The following SLIT2 variants were observed in gnomAD, a reference collection of about 807,000 sequenced individuals.
SLIT2 encodes the protein slit guidance ligand 2.
A neutral mutation model predicts 185.7 loss-of-function variants in SLIT2; 41 were observed. The ratio of observed to expected loss-of-function variants is 0.22; its 90% confidence interval spans 0.17 to 0.29. The LOEUF is 0.29. Ranked by LOEUF, SLIT2 falls within the 10% of genes least tolerant of loss-of-function variation. The probability of loss-of-function intolerance (pLI) is 1.00; values close to 1 mark genes in which losing one functional copy is unlikely to be tolerated. For missense variants in SLIT2, 1,571 were observed against 1,909.0 expected, an observed-to-expected ratio of 0.82 and a Z score of 3.30; for synonymous variants, 693 against 680.2, an observed-to-expected ratio of 1.02 and a Z score of -0.29.
chr4:20,539,357 G>A, intron 18 of SLIT2, 84 bp from the exon 19 acceptor site: 1 of 1,214,238 alleles, frequency 8.2e-7, no homozygotes, highest in Non-Finnish European at 1.2e-6. Flanking sequence ...CTACATATTT[G>A]CAAGGATCAT....
chr4:20,492,717 G>A (rs2148799030), intron 9 of SLIT2, among the ~76,000 whole-genome samples: 1 of 152,212 alleles, frequency 6.6e-6, no homozygotes, highest in Middle Eastern at 3.4e-3. Flanking sequence ...TGGATTTTTG[G>A]TTGAAATAAT....
chr4:20,444,458 G>T lies in SLIT2; in HGVS notation c.396-23294G>T, dbSNP rs1374279468. On this transcript the variant is annotated intron_variant, in intron 4 of 36. Transcript: ENST00000504154. ...TCTTGTGGGTTTTACTGTAGTTGTG[G>T]TAGGTTTCCTAATAAGTGAAATTCC... is the stretch of plus-strand genomic sequence containing the variant. 2.0e-5 allele frequency among the ~76,000 whole-genome samples: 3 copies of T among 152,112 alleles called. 1 individual carries two copies. The highest frequency in any genetic ancestry group is 7.2e-5 in the African/African-American group (3 of 41,490).
intron 4 of SLIT2, among the ~76,000 whole-genome samples, chr4:20,444,127 T>G (rs778985748): frequency 7.2e-5 from 11 of 152,116 alleles, no homozygotes; most frequent in Admixed American, 1.3e-4. Context: ...AAGGAAAGGC[T>G]CCTTCCTAGA....
chr4:20,422,881 T>G (rs78632206), intron 4 of SLIT2, among the ~76,000 whole-genome samples: 1 of 151,016 alleles, frequency 6.6e-6, no homozygotes, highest in African/African-American at 2.5e-5. Flanking sequence ...ATCATTCTGA[T>G]TTTTTTCCCC....
chr4:20,515,904 C>T (rs936769590), intron 11 of SLIT2, among the ~76,000 whole-genome samples: 1 of 152,202 alleles, frequency 6.6e-6, no homozygotes, highest in Non-Finnish European at 1.5e-5. Flanking sequence ...CAACCTCCGC[C>T]TCCCAGATGC....
At chr4:20,333,365 C>A (rs2109206853) in intron 4 of SLIT2, among the ~76,000 whole-genome samples, 1 of 152,282 alleles carries the variant, frequency 6.6e-6, no homozygotes, top group South Asian at 2.1e-4. Context: ...AATTCAATTT[C>A]TTACTGCTAA....
intron 4 of SLIT2, among the ~76,000 whole-genome samples, chr4:20,324,969 A>G (rs1251499269): frequency 6.6e-6 from 1 of 152,094 alleles, no homozygotes; most frequent in Non-Finnish European, 1.5e-5. Flanking sequence ...GTTTTCAACT[A>G]TATCTTAATA....
Position 20,382,762 on chromosome 4 carries a change from A to G in SLIT2, c.396-84990A>G, listed in dbSNP as rs1724631148. On this transcript the variant is annotated intron_variant, in intron 4 of 36. Coordinates refer to ENST00000504154, the MANE Select transcript of SLIT2 (RefSeq NM_004787.4). ...GATTCAATGCACTTCCACTCAAAAT[A>G]TCCACAAGTTTTTCTGTGGAAATTG... Among the ~76,000 whole-genome samples, 3 of 152,174 alleles carry G rather than the reference A, an allele frequency of 2.0e-5. No individual in the cohort carries two copies. In the South Asian group the frequency reaches 6.2e-4, roughly 31 times the overall value.
At chr4:20,264,796 G>A (rs1051556243) in intron 3 of SLIT2, among the ~76,000 whole-genome samples, 136 of 152,058 alleles carry the variant, frequency 8.9e-4, no homozygotes, top group African/African-American at 3.1e-3. Flanking sequence ...TGCCCTGGGA[G>A]AAAGTATCTC....
At chr4:20,387,732 G>A (rs529061901) in intron 4 of SLIT2, among the ~76,000 whole-genome samples, 11 of 152,214 alleles carry the variant, frequency 7.2e-5, no homozygotes, top group Non-Finnish European at 1.3e-4. Context: ...GCCACCAGCC[G>A]ACAGCAGCAA....
At chr4:20,597,073 T>TG in intron 32 of SLIT2, among the ~76,000 whole-genome samples, 1 of 150,956 alleles carries the variant, frequency 6.6e-6, no homozygotes, top group South Asian at 2.1e-4. Flanking sequence ...TTGTTGTTTT[T>TG]TTTTTTTTTT....
intron 19 of SLIT2, among the ~76,000 whole-genome samples, chr4:20,540,760 A>C (rs1722738087): frequency 6.6e-6 from 1 of 152,206 alleles, no homozygotes; most frequent in Non-Finnish European, 1.5e-5. Context: ...GAAAGTACTT[A>C]ATCCTCTTTT....
intron 9 of SLIT2, among the ~76,000 whole-genome samples, chr4:20,510,031 C>T (rs753675938): frequency 5.3e-5 from 8 of 151,902 alleles, no homozygotes; most frequent in Admixed American, 1.3e-4. Flanking sequence ...ATTTTTTAAC[C>T]GATCATATGC....
intron 9 of SLIT2, among the ~76,000 whole-genome samples, chr4:20,499,007 T>C (rs1197785296): frequency 1.3e-5 from 2 of 152,218 alleles, no homozygotes; most frequent in Admixed American, 6.5e-5. Flanking sequence ...TCCATAGAGG[T>C]TGAATGTTGA....
intron 29 of SLIT2, 130 bp downstream of exon 29, chr4:20,569,134 T>C (rs1725348758): frequency 2.6e-6 from 2 of 777,840 alleles, no homozygotes; most frequent in Non-Finnish European, 4.3e-6. Flanking sequence ...AAATCAGATG[T>C]AATGTAAATA....
At chr4:20,372,600 A>G (rs1270889600) in intron 4 of SLIT2, among the ~76,000 whole-genome samples, 1 of 151,944 alleles carries the variant, frequency 6.6e-6, no homozygotes, top group Admixed American at 6.6e-5. Flanking sequence ...TCTGACTTTC[A>G]TGCTGGGAAG....
chr4:20,600,360 T>C, intron 33 of SLIT2, among the ~76,000 whole-genome samples: 1 of 150,926 alleles, frequency 6.6e-6, no homozygotes, highest in East Asian at 2.0e-4. Flanking sequence ...CCATTTCACC[T>C]AACAAAGGAT....
Position 20,617,447 on chromosome 4 carries a change from A to T in SLIT2, c.4145A>T (p.His1382Leu), listed in dbSNP as rs773487213. Reference sequence around the variant, plus strand: ...GTTCCTCCTCCCTGTAGATGCGTACATGGCACCTGCTTGCCCATCAATGCG... The same window carrying T: ...GTTCCTCCTCCCTGTAGATGCGTACTTGGCACCTGCTTGCCCATCAATGCG... ...NDPCLGNKCV[H>L]GTCLPINAFS... Residue 1382 changes from histidine to leucine, a missense_variant, in exon 36 of 37, where the codon CAT becomes CTT. This residue lies in a region of SLIT2 where 223 missense variants were observed against 245.2 expected (regional missense o/e 0.91). Transcript: ENST00000504154. 1 of 1,614,012 alleles carries T rather than the reference A, an allele frequency of 6.2e-7. No individual in the cohort carries two copies. The highest frequency in any genetic ancestry group is 1.3e-5 in the African/African-American group (1 of 75,048).
intron 32 of SLIT2, 113 bp downstream of exon 32, chr4:20,596,768 A>G: frequency 9.6e-7 from 1 of 1,040,346 alleles, no homozygotes; most frequent in East Asian, 2.5e-5. Context: ...TAGACAGTTA[A>G]AAACAGAAAA....
Sources: allele counts gnomAD v4.1 joint callset (sites outside exome capture counted in the v4.1 genomes callset), GRCh38; gene constraint gnomAD v4.1.1; regional missense constraint gnomAD v4.1.1; transcripts MANE v1.5; gene names NCBI Gene and HGNC (gene_info 2026-07-23, HGNC 2026-07-21).